Variants in UGT2B10 observed in about 807,000 individuals in gnomAD.
UGT2B10 encodes the protein UDP-glucuronosyltransferase 2B10.
UGT2B10 carries 51 observed loss-of-function variants against 43.7 expected under a neutral mutation model. That is an observed-to-expected ratio of 1.17 (90% CI 0.93 to 1.47). The LOEUF (loss-of-function observed/expected upper bound fraction) is 1.47. Ranked by LOEUF, UGT2B10 falls within the 40% of genes most tolerant of loss-of-function variation. The probability of loss-of-function intolerance (pLI) is 0.00; values close to 1 mark genes in which losing one functional copy is unlikely to be tolerated. For synonymous variants in UGT2B10, 225 were observed against 209.0 expected (o/e 1.08, Z -0.66); for missense variants, 696 against 617.7 (o/e 1.13, Z -1.34).
In UGT2B10 at chr4:68,825,249, C is replaced by CTTT. The variant is rs5859147; in HGVS notation, c.1000-1156_1000-1154dup. Among the ~76,000 whole-genome samples the CTTT allele has an allele frequency of 1.3e-3, 194 of 151,614 alleles. 1 individual carries two copies. The East Asian group carries it at 0.034, about 27-fold the overall frequency. On this transcript the variant is annotated intron_variant, in intron 3 of 5. Coordinates refer to ENST00000265403, the MANE Select transcript of UGT2B10 (RefSeq NM_001075.6). ...CATATAGGTCATTACTAAATTGTTA[C>CTTT]TTTTTTTATACCAGAATTACAATGA... is the stretch of plus-strand genomic sequence containing the variant.
chr4:68,816,753 A>G lies in UGT2B10; in HGVS notation c.718+16A>G, dbSNP rs294777. On this transcript the variant is annotated intron_variant, in intron 1 of 5. Transcript: ENST00000265403. ...GAAGTTTTAGGTAAGATTTTTTTCA[A>G]TTAGTAACATGAAGCTCTAACTTAT... The G allele has an allele frequency of 0.99, 1,546,356 of 1,566,728 alleles. 765,148 individuals carry two copies. Among genetic ancestry groups the G allele is most frequent in the East Asian group, 1 (44,322 of 44,322 alleles).
intron 2 of UGT2B10, among the ~76,000 whole-genome samples, chr4:68,819,862 G>T (rs967308772): frequency 1.3e-5 from 2 of 151,900 alleles, no homozygotes; most frequent in Non-Finnish European, 2.9e-5. Flanking sequence ...ACATTTTAAG[G>T]CATATGTAAA....
At chr4:68,816,869 G>A (rs1043623037) in intron 1 of UGT2B10, 132 bp downstream of exon 1, 3 of 820,738 alleles carry the variant, frequency 3.7e-6, no homozygotes, top group Non-Finnish European at 5.5e-6. Flanking sequence ...AATACAAGAT[G>A]ATCTACCAAT....
rs774482094 is a variant in UGT2B10, at chr4:68,816,570, G to A, written c.551G>A (p.Gly184Glu). 1.4e-5 allele frequency: 23 copies of A among 1,613,042 alleles called. No individual in the cohort carries two copies. In the East Asian group the frequency reaches 3.3e-4, roughly 23 times the overall value. The part of the protein sequence containing the change: ...SPGYSFERHS[G>E]GFIFPPSYVP... ...GGCTACTCATTTGAAAGGCACAGTGGAGGATTTATTTTCCCTCCTTCCTAC... is the reference window on the plus strand; with the variant it reads ...GGCTACTCATTTGAAAGGCACAGTGAAGGATTTATTTTCCCTCCTTCCTAC... Residue 184 changes from glycine to glutamate, a missense_variant, in exon 1 of 6, where the codon GGA (glycine) becomes GAA (glutamate). Physicochemically the swap from Gly to Glu is moderately conservative, Grantham distance 98. Transcript: ENST00000265403.
At chr4:68,821,378 G>A (rs2109690206) in intron 2 of UGT2B10, among the ~76,000 whole-genome samples, 1 of 152,250 alleles carries the variant, frequency 6.6e-6, no homozygotes, top group East Asian at 1.9e-4. Context: ...AGAAAGGCCT[G>A]GTGGCCTCTC....
chr4:68,818,396 A>C (rs1470714299), intron 2 of UGT2B10, among the ~76,000 whole-genome samples: 4 of 151,808 alleles, frequency 2.6e-5, no homozygotes, highest in African/African-American at 9.7e-5. Flanking sequence ...GAAACTTTGA[A>C]AATAGGGTTG....
intron 3 of UGT2B10, among the ~76,000 whole-genome samples, chr4:68,824,216 C>A (rs1482474598): frequency 2.0e-5 from 3 of 152,166 alleles, no homozygotes; most frequent in Non-Finnish European, 4.4e-5. Flanking sequence ...GACAACTAGT[C>A]CAAGTACCCA....
rs1027280975 is a variant in UGT2B10 at position 68,816,685 on chromosome 4, G to T, written c.666G>T (p.Trp222Cys). Residue 222 changes from tryptophan (W) to cysteine (C), a missense_variant, in exon 1 of 6, where the codon TGG (tryptophan) becomes TGT (cysteine). Coordinates refer to ENST00000265403, the MANE Select transcript of UGT2B10 (RefSeq NM_001075.6). ...TCTATGTGCTTTATTTTGACTTTTG[G>T]TTCCAAATATTTAATATGAAGAAGT... ...NMLYVLYFDF[W>C]FQIFNMKKWD... 9 of 1,611,138 alleles carry T rather than the reference G, an allele frequency of 5.6e-6. No homozygotes were observed. Among genetic ancestry groups the T allele is most frequent in the Middle Eastern group, 1.7e-4 (1 of 6,056 alleles).
intron 5 of UGT2B10, among the ~76,000 whole-genome samples, chr4:68,830,011 A>G (rs774414719): frequency 2.0e-5 from 3 of 152,076 alleles, no homozygotes; most frequent in Admixed American, 6.6e-5. Flanking sequence ...CCAAGTGACT[A>G]GCTATGAGGC....
chr4:68,816,850 T>C, intron 1 of UGT2B10, 113 bp downstream of exon 1: 1 of 933,394 alleles, frequency 1.1e-6, no homozygotes, highest in Admixed American at 2.9e-5. Context: ...AATGAATTTA[T>C]GAAATGAAAA....
chr4:68,824,493 C>T lies in UGT2B10; in HGVS notation c.1000-1917C>T, dbSNP rs555530375. On this transcript the variant is annotated intron_variant, in intron 3 of 5. Transcript: ENST00000265403. ...GGCAGGGGAACAGGTTCAGATGCCC[C>T]CTCCATAGAACATAGTAGGAATATA... 5.3e-3 allele frequency among the ~76,000 whole-genome samples: 807 copies of T among 152,174 alleles called. 3 individuals are homozygous for T. The highest frequency in any genetic ancestry group is 0.019 in the African/African-American group (770 of 41,536).
At chr4:68,821,055 C>G (rs1396868133) in intron 2 of UGT2B10, among the ~76,000 whole-genome samples, 1 of 151,936 alleles carries the variant, frequency 6.6e-6, no homozygotes, top group East Asian at 1.9e-4. Flanking sequence ...CCTAGATGCC[C>G]CAAGTATTAT....
In UGT2B10 at chr4:68,822,140, A is replaced by T. The variant is rs1405846016; in HGVS notation, c.868-131A>T. 1.5e-5 allele frequency: 21 copies of T among 1,383,322 alleles called. 1 individual carries two copies. The African/African-American group carries it at 2.2e-4, about 14-fold the overall frequency. 85.7% of individuals were successfully genotyped at this position (1,383,322 alleles called of 1,614,324 possible). A position where few individuals can be genotyped will look rare whatever the true frequency, so the allele number is the denominator to read the frequency against. Reference sequence around the variant, plus strand: ...AGAAACAGTGATTGAGTCAGTTAAAAAATATTATTTACTCCAATAATTCCT... The same window carrying T: ...AGAAACAGTGATTGAGTCAGTTAAATAATATTATTTACTCCAATAATTCCT... On this transcript the variant is annotated intron_variant, in intron 2 of 5. Coordinates refer to ENST00000265403, the MANE Select transcript of UGT2B10 (RefSeq NM_001075.6).
At chr4:68,821,751 T>G (rs1389479482) in intron 2 of UGT2B10, among the ~76,000 whole-genome samples, 1 of 152,152 alleles carries the variant, frequency 6.6e-6, no homozygotes, top group Non-Finnish European at 1.5e-5. Flanking sequence ...TAAATGTAGA[T>G]ATAAAATTAT....
At position 68,816,327 on chromosome 4, in the gene UGT2B10, C is replaced by T. The variant is rs1425129701; in HGVS notation, c.308C>T (p.Thr103Ile). Residue 103 changes from threonine to isoleucine, a missense_variant, in exon 1 of 6, where the codon ACA becomes ATA. Transcript: ENST00000265403. ...AGATTGTCAGAAATTCAAAAAGATA[C>T]ATTTTGGTTACCTTTTTCACAAGAA... The part of the protein sequence containing the change: ...VKRLSEIQKD[T>I]FWLPFSQEQE... 6.2e-7 allele frequency: 1 copy of T among 1,613,034 alleles called. No individual in the cohort carries two copies. The highest frequency in any genetic ancestry group is 2.2e-5 in the East Asian group (1 of 44,786).
At chr4:68,829,515 A>T (rs1281587283) in intron 5 of UGT2B10, among the ~76,000 whole-genome samples, 1 of 151,972 alleles carries the variant, frequency 6.6e-6, no homozygotes, top group Non-Finnish European at 1.5e-5. Flanking sequence ...ATTTTATGAG[A>T]TATATAAATC....
intron 5 of UGT2B10, among the ~76,000 whole-genome samples, 173 bp downstream of exon 5, chr4:68,827,721 A>G (rs1355638052): frequency 1.3e-5 from 2 of 152,012 alleles, no homozygotes; most frequent in Non-Finnish European, 2.9e-5. Flanking sequence ...TTGTATTTGA[A>G]CCCCATACAT....
intron 3 of UGT2B10, among the ~76,000 whole-genome samples, chr4:68,824,254 A>G (rs561829431): frequency 1.3e-4 from 20 of 152,346 alleles, no homozygotes; most frequent in African/African-American, 3.8e-4. Context: ...AGAGAAAGAG[A>G]AAAAGCAGCT....
Position 68,831,049 on chromosome 4 carries a change from A to C in UGT2B10, c.*170A>C, listed in dbSNP as rs763490837. 1 of 805,950 alleles carries C rather than the reference A, an allele frequency of 1.2e-6. No individual in the cohort carries two copies. The highest frequency in any genetic ancestry group is 1.9e-6 in the Non-Finnish European group (1 of 520,044). The allele number at this position is 805,950 out of a possible 1,614,324, so 49.9% of individuals were successfully genotyped here. Reference sequence around the variant, plus strand: ...TTTTTCAGAGATTTACCACCCAGTTAATGGTTAGAAATATTCTGTGGCAAT... The same window carrying C: ...TTTTTCAGAGATTTACCACCCAGTTCATGGTTAGAAATATTCTGTGGCAAT... On this transcript the variant is annotated 3_prime_UTR_variant, in exon 6 of 6. Transcript: ENST00000265403.
Sources: gnomAD v4.1 joint callset for allele counts (sites outside exome capture counted in the v4.1 genomes callset) on GRCh38, gnomAD v4.1.1 for gene constraint, MANE v1.5 for transcripts, NCBI Gene and HGNC (gene_info 2026-07-23, HGNC 2026-07-21) for gene names.